The following ACTR3C variants were observed in gnomAD, a reference collection of about 807,000 sequenced individuals.
ACTR3C encodes the protein actin related protein 3C, also known as actin-related protein 3C.
In ACTR3C, 18 loss-of-function variants were observed where a neutral mutation model predicts 26.3. The ratio of observed to expected loss-of-function variants is 0.68; its 90% confidence interval spans 0.47 to 1.01. The LOEUF (loss-of-function observed/expected upper bound fraction) is 1.01, where lower values mean the gene tolerates loss of function less well. Ranked by LOEUF, ACTR3C falls within the 50% of genes least tolerant of loss-of-function variation. The probability of loss-of-function intolerance (pLI) is 0.00; values close to 1 mark genes in which losing one functional copy is unlikely to be tolerated. For synonymous variants in ACTR3C, 55 were observed against 94.5 expected, an observed-to-expected ratio of 0.58 and a Z score of 2.42; for missense variants, 184 against 250.7, an observed-to-expected ratio of 0.73 and a Z score of 1.80.
the ACTR3C span, among the ~76,000 whole-genome samples, chr7:149,906,360 G>A: frequency 8.0e-5 from 12 of 149,674 alleles, no homozygotes; most frequent in African/African-American, 2.7e-4. Flanking sequence ...CAGTAATGAC[G>A]TGTTCATTCT....
chr7:149,997,229 G>C, the ACTR3C span, among the ~76,000 whole-genome samples: 1 of 151,256 alleles, frequency 6.6e-6, no homozygotes, highest in South Asian at 2.1e-4. Flanking sequence ...AGCTGGCTGT[G>C]GTGGTTCACT....
chr7:150,251,138 T>A, intron 6 of ACTR3C, among the ~76,000 whole-genome samples: 1 of 152,224 alleles, frequency 6.6e-6, no homozygotes. Context: ...ACGTGTGACC[T>A]GTCCACCATG....
the ACTR3C span, among the ~76,000 whole-genome samples, chr7:149,922,440 G>A: frequency 0.19 from 26,985 of 140,988 alleles, 2,118 homozygotes; most frequent in African/African-American, 0.26. Context: ...GAAAGGAGCT[G>A]CTGCCAGAAT....
intron 1 of ACTR3C, among the ~76,000 whole-genome samples, chr7:150,316,200 AAAAC>A (rs1336557969): frequency 2.0e-5 from 3 of 152,356 alleles, no homozygotes; most frequent in East Asian, 1.9e-4. Flanking sequence ...TCTGTCTCAA[AAAAC>A]AAACAAACAA....
At chr7:150,180,659 CG>C in the ACTR3C span, among the ~76,000 whole-genome samples, 4 of 148,380 alleles carry the variant, frequency 2.7e-5, no homozygotes, top group Non-Finnish European at 5.9e-5. Context: ...ACTACAGGCG[CG>C]CGCCACCACG....
At chr7:150,292,517 T>C (rs1182134225) in intron 3 of ACTR3C, among the ~76,000 whole-genome samples, 1 of 146,856 alleles carries the variant, frequency 6.8e-6, no homozygotes, top group Non-Finnish European at 1.5e-5. Flanking sequence ...TTTTTTTTTT[T>C]TGAGACGGAG....
the ACTR3C span, among the ~76,000 whole-genome samples, chr7:149,932,265 G>A: frequency 1.3e-5 from 2 of 152,152 alleles, no homozygotes; most frequent in African/African-American, 2.4e-5. Flanking sequence ...ATATGACACG[G>A]CCAGAGTAGG....
the ACTR3C span, among the ~76,000 whole-genome samples, chr7:149,970,059 C>A: frequency 6.6e-6 from 1 of 152,088 alleles, no homozygotes; most frequent in Non-Finnish European, 1.5e-5. Flanking sequence ...TCAAATTACA[C>A]AGAAAGTCTT....
the ACTR3C span, among the ~76,000 whole-genome samples, chr7:149,908,627 GC>G: frequency 7.9e-5 from 12 of 152,232 alleles, no homozygotes; most frequent in East Asian, 2.3e-3. Context: ...CAACATCGTG[GC>G]CCCCTAAAAA....
At chr7:150,151,442 T>C in the ACTR3C span, among the ~76,000 whole-genome samples, 3 of 137,526 alleles carry the variant, frequency 2.2e-5, 1 homozygote, top group African/African-American at 7.5e-5. Context: ...CAATTTAGAA[T>C]GCCAATTTGT....
At chr7:150,253,200 T>C (rs1267007271) in intron 6 of ACTR3C, among the ~76,000 whole-genome samples, 3 of 152,198 alleles carry the variant, frequency 2.0e-5, no homozygotes, top group Admixed American at 6.5e-5. Flanking sequence ...GATAAAGTCA[T>C]GCATGGGTAA....
At chr7:150,067,729 T>C in the ACTR3C span, among the ~76,000 whole-genome samples, 24 of 96,414 alleles carry the variant, frequency 2.5e-4, no homozygotes, top group Non-Finnish European at 3.8e-4. Context: ...AAGCCACCTT[T>C]AAAGGCAGCC....
At chr7:150,252,124 CTGTG>C (rs59701305) in intron 6 of ACTR3C, among the ~76,000 whole-genome samples, 1,773 of 147,018 alleles carry the variant, frequency 0.012, 33 homozygotes, top group Non-Finnish European at 0.017. Context: ...GTGTATGTGT[CTGTG>C]TGTGTGTGTG....
At chr7:149,891,305 G>A in the ACTR3C span, 1 of 1,002,648 alleles carries the variant, frequency 1.0e-6, no homozygotes, top group Non-Finnish European at 1.5e-6. Flanking sequence ...TCGGCCACTG[G>A]AGGAAGAGAC....
chr7:150,152,620 C>T, the ACTR3C span, among the ~76,000 whole-genome samples: 4 of 152,170 alleles, frequency 2.6e-5, no homozygotes, highest in African/African-American at 9.7e-5. Flanking sequence ...TGTGTCTCTG[C>T]CCGGCTTTGG....
At chr7:150,279,880 T>A (rs1584912014) in intron 6 of ACTR3C, among the ~76,000 whole-genome samples, 1 of 152,244 alleles carries the variant, frequency 6.6e-6, no homozygotes, top group East Asian at 1.9e-4. Context: ...TTAGCTTTTT[T>A]ATAAGCTCTT....
chr7:150,236,161 C>A, the ACTR3C span, among the ~76,000 whole-genome samples: 3 of 152,174 alleles, frequency 2.0e-5, no homozygotes, highest in African/African-American at 7.2e-5. Context: ...CACATTTAAC[C>A]CTGTATCTGG....
chr7:150,272,916 A>G (rs1209165221), intron 6 of ACTR3C, among the ~76,000 whole-genome samples: 2 of 138,826 alleles, frequency 1.4e-5, no homozygotes. Context: ...GCTGGTTTCC[A>G]GCTCCTGGTC....
At chr7:150,194,018 A>ACG in the ACTR3C span, among the ~76,000 whole-genome samples, 2 of 149,690 alleles carry the variant, frequency 1.3e-5, no homozygotes, top group African/African-American at 4.9e-5. Context: ...ACACACACAC[A>ACG]CACACGAAAG....
Sources: allele counts gnomAD v4.1 joint callset (sites outside exome capture counted in the v4.1 genomes callset), GRCh38; gene constraint gnomAD v4.1.1; transcripts MANE v1.5; gene names NCBI Gene and HGNC (gene_info 2026-07-23, HGNC 2026-07-21).